The following CIT variants were observed in gnomAD, a reference collection of about 807,000 sequenced individuals.
CIT encodes citron rho-interacting serine/threonine kinase, also known as citron Rho-interacting kinase.
Under a neutral mutation model 272.7 loss-of-function variants are expected in CIT, and 79 were observed. The observed-to-expected ratio is 0.29, with a 90% CI of 0.24 to 0.35. The LOEUF is 0.35. CIT is among the 10% of genes least tolerant of loss of function. The pLI is 1.00. For synonymous variants in CIT, 948 were observed against 995.6 expected (o/e 0.95, Z 0.90); for missense variants, 1,909 against 2,618.3 (o/e 0.73, Z 5.91).
intron 5 of CIT, among the ~76,000 whole-genome samples, chr12:119,839,885 C>T (rs938902585): frequency 1.3e-5 from 2 of 152,258 alleles, no homozygotes; most frequent in Admixed American, 6.5e-5. Flanking sequence ...ACAGGGATTT[C>T]GGATGTGTAC....
At chr12:119,868,127 G>C (rs1159788482) in intron 3 of CIT, among the ~76,000 whole-genome samples, 1 of 152,072 alleles carries the variant, frequency 6.6e-6, no homozygotes, top group African/African-American at 2.4e-5. Flanking sequence ...AGCCACTGGG[G>C]TGGAAGGATT....
At chr12:119,853,470 G>T (rs959809889) in intron 4 of CIT, among the ~76,000 whole-genome samples, 2 of 149,692 alleles carry the variant, frequency 1.3e-5, no homozygotes, top group Admixed American at 1.3e-4. Context: ...TTAGAGACAG[G>T]GTCTCACCAT....
intron 9 of CIT, among the ~76,000 whole-genome samples, chr12:119,818,184 T>G (rs1409484874): frequency 6.6e-6 from 1 of 152,184 alleles, no homozygotes; most frequent in Non-Finnish European, 1.5e-5. Context: ...AAAATGGGTA[T>G]AATAATCCTT....
chr12:119,735,446 G>A (rs1160028570), intron 24 of CIT, 89 bp from the exon 25 acceptor site: 40 of 1,301,620 alleles, frequency 3.1e-5, no homozygotes, highest in Non-Finnish European at 3.9e-5. Flanking sequence ...CTGAACCCAC[G>A]TGACACTGGC....
chr12:119,876,586 G>C (rs990826305), intron 1 of CIT, among the ~76,000 whole-genome samples: 8 of 152,148 alleles, frequency 5.3e-5, no homozygotes, highest in Non-Finnish European at 1.0e-4. Flanking sequence ...AAACAAAATC[G>C]AGCAAGAAAA....
intron 10 of CIT, among the ~76,000 whole-genome samples, chr12:119,785,672 TG>T (rs1244466782): frequency 6.6e-6 from 1 of 152,022 alleles, no homozygotes; most frequent in Non-Finnish European, 1.5e-5. Context: ...CTCCACCTCC[TG>T]GGTTCAAGCA....
intron 18 of CIT, among the ~76,000 whole-genome samples, chr12:119,767,398 G>A (rs1033577530): frequency 6.6e-5 from 10 of 152,300 alleles, no homozygotes; most frequent in African/African-American, 2.4e-4. Context: ...ACACATAGCT[G>A]GTGGGCTGTA....
intron 39 of CIT, among the ~76,000 whole-genome samples, chr12:119,709,762 A>AAGAGAGAGAG (rs764752861): frequency 8.3e-6 from 1 of 120,498 alleles, no homozygotes; most frequent in African/African-American, 3.5e-5. Context: ...TGGTTCAGGA[A>AAGAGAGAGAG]AGAGAGAGAG....
chr12:119,771,241 G>A (rs1239501973), intron 17 of CIT, among the ~76,000 whole-genome samples: 1 of 152,198 alleles, frequency 6.6e-6, no homozygotes, highest in Non-Finnish European at 1.5e-5. Context: ...TATAGGTTAA[G>A]AGGAGGAAGA....
chr12:119,804,424 C>T lies in CIT; in HGVS notation c.1112-1035G>A. The stretch of plus-strand genomic sequence containing the variant: ...CAGGCTGCATGCTCCCGGCTCCGTG[C>T]GTGCGTGCTCTGGCTGGAACCCCAC... On this transcript the variant is annotated intron_variant, in intron 9 of 47. Coordinates refer to ENST00000392521, the MANE Select transcript of CIT (RefSeq NM_001206999.2). The surrounding 1 kb of genome is among the most constrained non-coding windows in gnomAD (Gnocchi z 5.3). 1 of 985,800 alleles carries T rather than the reference C, an allele frequency of 1.0e-6. No homozygotes were observed. The highest frequency in any genetic ancestry group is 1.2e-6 in the Non-Finnish European group (1 of 830,228). 61.1% of individuals were successfully genotyped at this position (985,800 alleles called of 1,614,324 possible).
chr12:119,851,217 C>T (rs950136911), intron 4 of CIT, among the ~76,000 whole-genome samples: 1 of 152,100 alleles, frequency 6.6e-6, no homozygotes, highest in Non-Finnish European at 1.5e-5. Flanking sequence ...CTGTGCCCAG[C>T]CACAATTTTC....
At chr12:119,789,388 T>C (rs1014594039) in intron 10 of CIT, among the ~76,000 whole-genome samples, 12 of 152,322 alleles carry the variant, frequency 7.9e-5, no homozygotes, top group African/African-American at 2.2e-4. Context: ...TTGAAATTAA[T>C]GGTGGTGGGC....
chr12:119,793,961 G>A (rs867036548), intron 10 of CIT, among the ~76,000 whole-genome samples: 2 of 152,206 alleles, frequency 1.3e-5, no homozygotes, highest in African/African-American at 4.8e-5. Flanking sequence ...TTCTCGAACA[G>A]CCCCTAGGAC....
rs1957188917 is a variant in CIT, at chr12:119,712,051, G to T, written c.4854+127C>A. On this transcript the variant is annotated intron_variant, in intron 37 of 47. Coordinates refer to ENST00000392521, the MANE Select transcript of CIT (RefSeq NM_001206999.2). The surrounding 1 kb of genome is among the most constrained non-coding windows in gnomAD (Gnocchi z 5.2). ...ACTCCTGGCCATGACACAGTCTAGA[G>T]CCATCAGCCCTCAGAGAGAGAGCCT... The T allele has an allele frequency of 2.2e-6, 2 of 894,754 alleles. No individual in the cohort carries two copies. The highest frequency in any genetic ancestry group is 2.3e-5 in the Admixed American group (1 of 42,636). 55.4% of individuals were successfully genotyped at this position (894,754 alleles called of 1,614,324 possible).
chr12:119,694,967 CCTA>C lies in CIT; in HGVS notation c.5882+2689_5882+2691del, dbSNP rs1215475437. 4.6e-5 allele frequency among the ~76,000 whole-genome samples: 7 copies of C among 152,118 alleles called. No individual in the cohort carries two copies. Among genetic ancestry groups the C allele is most frequent in the Non-Finnish European group, 1.0e-4 (7 of 68,012 alleles). ...ACTTTTCAGAGCTCTAGAAATTAAC[CCTA>C]GCCCTTTGCGCGGCCACTCTCGAGG... is the stretch of plus-strand genomic sequence containing the variant. On this transcript the variant is annotated intron_variant, in intron 46 of 47. Coordinates refer to ENST00000392521, the MANE Select transcript of CIT (RefSeq NM_001206999.2). This position sits in a 1 kb window ranked among gnomAD's most constrained non-coding sequence, Gnocchi z 4.5.
At chr12:119,833,139 A>G (rs1237062223) in intron 6 of CIT, among the ~76,000 whole-genome samples, 1 of 152,094 alleles carries the variant, frequency 6.6e-6, no homozygotes. Flanking sequence ...GAGAAATGAA[A>G]CACATATTAT....
intron 22 of CIT, among the ~76,000 whole-genome samples, chr12:119,754,854 T>A (rs1960732566): frequency 6.6e-6 from 1 of 152,192 alleles, no homozygotes. Flanking sequence ...CTGGGACACT[T>A]TAATAGCCCA....
In CIT at chr12:119,826,754, C is replaced by T. The variant is rs542374288; in HGVS notation, c.754-1386G>A. On this transcript the variant is annotated intron_variant, in intron 7 of 47. Coordinates refer to ENST00000392521, the MANE Select transcript of CIT (RefSeq NM_001206999.2). The stretch of plus-strand genomic sequence containing the variant: ...ACAAAAGAACTTTTTCCTCATTAAA[C>T]GATGGTAAGTGAAACTGAGTGAGCC... Among the ~76,000 whole-genome samples, 5 of 152,308 alleles carry T rather than the reference C, an allele frequency of 3.3e-5. No homozygotes were observed. In the South Asian group the frequency reaches 8.3e-4, roughly 25 times the overall value.
At chr12:119,872,815 G>C (rs1438187641) in intron 2 of CIT, among the ~76,000 whole-genome samples, 1 of 151,880 alleles carries the variant, frequency 6.6e-6, no homozygotes, top group Non-Finnish European at 1.5e-5. Context: ...TATTTATTTA[G>C]AAACAGGGTC....
Sources: allele counts gnomAD v4.1 joint callset (sites outside exome capture counted in the v4.1 genomes callset), GRCh38; gene constraint gnomAD v4.1.1; non-coding constraint Gnocchi (gnomAD v3.1); transcripts MANE v1.5; gene names NCBI Gene and HGNC (gene_info 2026-07-23, HGNC 2026-07-21).